DACH2: variants seen among roughly 807,000 people sequenced by gnomAD.
DACH2 encodes dachshund family transcription factor 2, also known as dachshund homolog 2.
DACH2 carries 17 observed loss-of-function variants against 35.8 expected under a neutral mutation model. The observed-to-expected ratio is 0.48, with a 90% CI of 0.33 to 0.71. The LOEUF (loss-of-function observed/expected upper bound fraction) is 0.71. Among genes scored for constraint, DACH2 ranks in the 30% least tolerant of loss-of-function variants. The probability of loss-of-function intolerance (pLI) is 0.02; values close to 1 mark genes in which losing one functional copy is unlikely to be tolerated. For synonymous variants in DACH2, 195 were observed against 177.3 expected (o/e 1.10, Z -0.79); for missense variants, 469 against 472.7 (o/e 0.99, Z 0.07).
intron 4 of DACH2, among the ~76,000 whole-genome samples, chrX:86,676,522 T>C (rs59795469): frequency 0.17 from 19,424 of 111,254 alleles, 1,425 homozygotes; most frequent in East Asian, 0.48. Context: ...CTTTCTGCGA[T>C]GATGGAAATG....
At chrX:86,346,200 C>T (rs982097042) in intron 1 of DACH2, among the ~76,000 whole-genome samples, 1 of 110,930 alleles carries the variant, frequency 9.0e-6, no homozygotes, top group Non-Finnish European at 1.9e-5. Context: ...ATAATTTGCC[C>T]AACCCCTAGT....
chrX:86,165,243 C>T (rs904102610), intron 1 of DACH2, among the ~76,000 whole-genome samples: 4 of 111,383 alleles, frequency 3.6e-5, no homozygotes, highest in East Asian at 2.8e-4. Context: ...ATGGAACTTA[C>T]GTTGCTTCCA....
intron 7 of DACH2, among the ~76,000 whole-genome samples, chrX:86,742,402 A>T (rs1469343065): frequency 9.0e-6 from 1 of 111,264 alleles, no homozygotes; most frequent in Non-Finnish European, 1.9e-5. Flanking sequence ...ATACAAATTC[A>T]TATGTATATA....
At chrX:86,236,935 T>TA (rs1222884807) in intron 1 of DACH2, among the ~76,000 whole-genome samples, 1 of 112,777 alleles carries the variant, frequency 8.9e-6, no homozygotes, top group Non-Finnish European at 1.9e-5. Context: ...TCTATATTTT[T>TA]AAAAAACTGT....
chrX:86,201,410 A>G (rs749481866), intron 1 of DACH2, among the ~76,000 whole-genome samples: 2 of 110,846 alleles, frequency 1.8e-5, no homozygotes, highest in East Asian at 2.8e-4. Context: ...CTATATGACA[A>G]TCATGCACAT....
intron 1 of DACH2, among the ~76,000 whole-genome samples, chrX:86,235,912 T>C (rs1055629633): frequency 3.6e-5 from 4 of 111,674 alleles, no homozygotes; most frequent in Non-Finnish European, 7.5e-5. Context: ...GGTGGGTAGA[T>C]TACCTGAGGT....
At chrX:86,641,691 A>G (rs910607129) in intron 3 of DACH2, among the ~76,000 whole-genome samples, 3 of 111,942 alleles carry the variant, frequency 2.7e-5, no homozygotes, top group African/African-American at 9.7e-5. Flanking sequence ...AGAATGTTCA[A>G]CACAACTGAG....
intron 2 of DACH2, among the ~76,000 whole-genome samples, chrX:86,455,896 T>C (rs1327141640): frequency 8.9e-6 from 1 of 112,198 alleles, no homozygotes; most frequent in African/African-American, 3.2e-5. Context: ...CTCCTGGGTG[T>C]CTGTGTATGT....
chrX:86,647,247 A>G (rs1481574709), intron 3 of DACH2, among the ~76,000 whole-genome samples: 1 of 110,869 alleles, frequency 9.0e-6, no homozygotes, highest in Non-Finnish European at 1.9e-5. Flanking sequence ...TTTATTAACA[A>G]TAGCCAATAT....
At chrX:86,777,979 T>A (rs754916258) in intron 7 of DACH2, among the ~76,000 whole-genome samples, 1 of 111,860 alleles carries the variant, frequency 8.9e-6, no homozygotes, top group Non-Finnish European at 1.9e-5. Flanking sequence ...TTTATATGCA[T>A]CATCAAATAG....
chrX:86,580,196 G>T (rs936049742), intron 3 of DACH2, among the ~76,000 whole-genome samples: 1 of 111,470 alleles, frequency 9.0e-6, no homozygotes, highest in Non-Finnish European at 1.9e-5. Flanking sequence ...AAACCCCCAA[G>T]GGCATCAAAG....
At chrX:86,453,066 C>T (rs1281573752) in intron 2 of DACH2, among the ~76,000 whole-genome samples, 1 of 111,455 alleles carries the variant, frequency 9.0e-6, no homozygotes, top group Non-Finnish European at 1.9e-5. Flanking sequence ...GCCTTAATTT[C>T]ATTATTTACC....
chrX:86,825,483 G>A (rs188548214), intron 11 of DACH2, among the ~76,000 whole-genome samples: 4 of 111,361 alleles, frequency 3.6e-5, no homozygotes, highest in Non-Finnish European at 3.8e-5. Context: ...GGAAAGTGGG[G>A]GACTTGATCT....
At chrX:86,746,323 T>G (rs1003175876) in intron 7 of DACH2, among the ~76,000 whole-genome samples, 29 of 111,491 alleles carry the variant, frequency 2.6e-4, no homozygotes, top group African/African-American at 8.8e-4. Flanking sequence ...CTTGAGGAAC[T>G]ACCACACTCT....
At chrX:86,738,893 A>G (rs1239052941) in intron 6 of DACH2, among the ~76,000 whole-genome samples, 1 of 111,354 alleles carries the variant, frequency 9.0e-6, no homozygotes, top group Admixed American at 9.6e-5. Flanking sequence ...TTTTTTTGAT[A>G]TGAAGTTTTG....
chrX:86,401,079 C>T (rs2036418352), intron 2 of DACH2, among the ~76,000 whole-genome samples: 2 of 112,192 alleles, frequency 1.8e-5, no homozygotes, highest in Admixed American at 1.9e-4. Flanking sequence ...TGGGCAATGG[C>T]AGGCGCTCCT....
intron 3 of DACH2, among the ~76,000 whole-genome samples, chrX:86,592,085 A>T (rs968550811): frequency 9.0e-6 from 1 of 110,950 alleles, no homozygotes; most frequent in Non-Finnish European, 1.9e-5. Flanking sequence ...GTTATATCTA[A>T]AAAGTCTTCA....
At chrX:86,441,190 T>C (rs774575493) in intron 2 of DACH2, among the ~76,000 whole-genome samples, 1 of 111,382 alleles carries the variant, frequency 9.0e-6, no homozygotes, top group Non-Finnish European at 1.9e-5. Flanking sequence ...AATTTAATAA[T>C]TTATCAATAT....
intron 3 of DACH2, among the ~76,000 whole-genome samples, chrX:86,581,673 A>G (rs1261762998): frequency 8.9e-6 from 1 of 112,138 alleles, no homozygotes; most frequent in African/African-American, 3.2e-5. Flanking sequence ...GTTCAATTCA[A>G]CAAGAAGAAG....
Sources: allele counts gnomAD v4.1 joint callset (sites outside exome capture counted in the v4.1 genomes callset), GRCh38; gene constraint gnomAD v4.1.1; transcripts MANE v1.5; gene names NCBI Gene and HGNC (gene_info 2026-07-23, HGNC 2026-07-21).